SLC25A48: variants seen among roughly 807,000 people sequenced by gnomAD.
The protein encoded by SLC25A48 is solute carrier family 25 member 48, also known as CTC-321K16.1.
A neutral mutation model predicts 32.2 loss-of-function variants in SLC25A48; 29 were observed. The ratio of observed to expected loss-of-function variants is 0.90; its 90% confidence interval spans 0.67 to 1.23. The LOEUF is 1.23. Ranked by LOEUF, SLC25A48 falls within the 50% of genes most tolerant of loss-of-function variation. SLC25A48 has a pLI of 0.00. For missense variants in SLC25A48, 399 were observed against 422.7 expected (o/e 0.94, Z 0.49); for synonymous variants, 164 against 172.3 (o/e 0.95, Z 0.38).
At chr5:135,659,210 A>G (rs1478671396) in intron 3 of SLC25A48, among the ~76,000 whole-genome samples, 3 of 152,130 alleles carry the variant, frequency 2.0e-5, no homozygotes, top group Non-Finnish European at 2.9e-5. Flanking sequence ...AGAAGCAGTC[A>G]GGCCACATCT....
chr5:135,742,406 C>G (rs1755519772), intron 3 of SLC25A48: 21 of 1,339,490 alleles, frequency 1.6e-5, no homozygotes, highest in Non-Finnish European at 2.0e-5. Flanking sequence ...TAATAGCCAT[C>G]ACGACCCTCA....
At chr5:135,610,332 T>A (rs878943042) in intron 1 of SLC25A48, among the ~76,000 whole-genome samples, 1 of 152,256 alleles carries the variant, frequency 6.6e-6, no homozygotes, top group Admixed American at 6.5e-5. Context: ...AACCCTCACA[T>A]ATGTGCTGAC....
intron 1 of SLC25A48, among the ~76,000 whole-genome samples, chr5:135,607,262 T>A (rs1751960596): frequency 6.6e-6 from 1 of 152,220 alleles, no homozygotes; most frequent in Non-Finnish European, 1.5e-5. Context: ...ATAGTGGACA[T>A]CAAAGGTTGA....
chr5:135,678,115 C>G (rs1319890515), intron 3 of SLC25A48, among the ~76,000 whole-genome samples: 1 of 152,066 alleles, frequency 6.6e-6, no homozygotes, highest in Non-Finnish European at 1.5e-5. Flanking sequence ...GTTTTCTATC[C>G]CTTTTGTTTT....
intron 3 of SLC25A48, among the ~76,000 whole-genome samples, chr5:135,725,870 G>A (rs1019962692): frequency 1.0e-5 from 1 of 99,092 alleles, no homozygotes; most frequent in Admixed American, 1.1e-4. Context: ...CCTTAGGAAC[G>A]CTAGGGTTTT....
At chr5:135,708,590 A>C (rs1393814269) in intron 3 of SLC25A48, among the ~76,000 whole-genome samples, 3 of 152,342 alleles carry the variant, frequency 2.0e-5, no homozygotes, top group African/African-American at 7.2e-5. Flanking sequence ...CACCCCGGTC[A>C]GGCAGAGATG....
At chr5:135,855,814 C>T (rs1760268244) in intron 4 of SLC25A48, among the ~76,000 whole-genome samples, 1 of 152,222 alleles carries the variant, frequency 6.6e-6, no homozygotes, top group Non-Finnish European at 1.5e-5. Flanking sequence ...CCAGGAAGTG[C>T]AGCAGGCGAG....
intron 7 of SLC25A48, chr5:135,883,572 A>C: frequency 1.4e-6 from 1 of 728,198 alleles, no homozygotes; most frequent in Non-Finnish European, 1.7e-6. Context: ...AAACCCCTCC[A>C]CACAGGTGAG....
Position 135,780,617 on chromosome 5 carries a change from AT to A in SLC25A48, c.-520-31904del, listed in dbSNP as rs1189894786. Reference sequence around the variant, plus strand: ...AGGTGGCATATAACCCCTCTGTGATATTGTTTCTAATATTTTGGGGGGGGAG... The same window carrying A: ...AGGTGGCATATAACCCCTCTGTGATATGTTTCTAATATTTTGGGGGGGGAG... On this transcript the variant is annotated intron_variant, in intron 3 of 10. Coordinates refer to the SLC25A48 transcript ENST00000646290. 2.6e-5 allele frequency among the ~76,000 whole-genome samples: 3 copies of A among 115,736 alleles called. 1 individual carries two copies. The highest frequency in any genetic ancestry group is 8.9e-5 in the Admixed American group (1 of 11,296). 75.9% of individuals were successfully genotyped at this position (115,736 alleles called of 152,430 possible). A position where few individuals can be genotyped will look rare whatever the true frequency, so the allele number is the denominator to read the frequency against.
chr5:135,771,768 G>A (rs1312248460), intron 3 of SLC25A48, among the ~76,000 whole-genome samples: 1 of 150,794 alleles, frequency 6.6e-6, no homozygotes, highest in East Asian at 1.9e-4. Context: ...TTCCAATACG[G>A]CAGTGGGTGT....
At chr5:135,791,905 A>G (rs1340780131) in intron 3 of SLC25A48, among the ~76,000 whole-genome samples, 1 of 151,748 alleles carries the variant, frequency 6.6e-6, no homozygotes, top group African/African-American at 2.4e-5. Context: ...ATTCTGTGAT[A>G]ATATATGTAA....
chr5:135,875,087 C>T (rs909088946), intron 6 of SLC25A48: 4 of 197,982 alleles, frequency 2.0e-5, no homozygotes, highest in Non-Finnish European at 4.1e-5. Flanking sequence ...AACCATTTCT[C>T]ATTTGCATTA....
In SLC25A48 at chr5:135,681,953, A is replaced by AT. The variant is rs138492595; in HGVS notation, c.-521+47002dup. Among the ~76,000 whole-genome samples the AT allele has an allele frequency of 6.6e-3, 1,002 of 152,048 alleles. 14 individuals carry two copies. Among genetic ancestry groups the AT allele is most frequent in the African/African-American group, 0.023 (946 of 41,458 alleles). On this transcript the variant is annotated intron_variant, in intron 3 of 10. Transcript: ENST00000646290. ...TGTTTTATGTGTTCCTTTTGGGTGGATTTTTCCTGGACTCAGGTAGTTTCT... is the reference window on the plus strand; with the variant it reads ...TGTTTTATGTGTTCCTTTTGGGTGGATTTTTTCCTGGACTCAGGTAGTTTCT...
chr5:135,757,926 TAATAA>T, intron 3 of SLC25A48, among the ~76,000 whole-genome samples: 1 of 150,558 alleles, frequency 6.6e-6, no homozygotes, highest in African/African-American at 2.4e-5. Context: ...ACTATGATAT[TAATAA>T]AATATCTACA....
At chr5:135,854,979 G>C (rs1760184685) in intron 4 of SLC25A48, among the ~76,000 whole-genome samples, 1 of 152,194 alleles carries the variant, frequency 6.6e-6, no homozygotes, top group Non-Finnish European at 1.5e-5. Flanking sequence ...TCAGGAAACA[G>C]GGCAGCCTGA....
intron 3 of SLC25A48, among the ~76,000 whole-genome samples, chr5:135,804,329 C>T (rs558685642): frequency 2.0e-5 from 3 of 151,392 alleles, no homozygotes; most frequent in African/African-American, 4.8e-5. Context: ...ATACCCCCGG[C>T]GACATTAAGA....
chr5:135,726,777 T>C (rs1392847435), intron 3 of SLC25A48, among the ~76,000 whole-genome samples: 7 of 152,246 alleles, frequency 4.6e-5, no homozygotes, highest in Non-Finnish European at 4.4e-5. Context: ...GCTATAAATA[T>C]TCATGTACAT....
At chr5:135,613,687 C>T (rs1481971766) in intron 1 of SLC25A48, among the ~76,000 whole-genome samples, 1 of 152,188 alleles carries the variant, frequency 6.6e-6, no homozygotes, top group Non-Finnish European at 1.5e-5. Context: ...GCACCATTTA[C>T]TAAGGAGGGT....
chr5:135,789,242 G>A (rs1224378870), intron 3 of SLC25A48, among the ~76,000 whole-genome samples: 2 of 144,822 alleles, frequency 1.4e-5, no homozygotes, highest in African/African-American at 5.5e-5. Flanking sequence ...GGGGGAAGTG[G>A]GTGGTGTTAC....
Sources: allele counts gnomAD v4.1 joint callset (sites outside exome capture counted in the v4.1 genomes callset), GRCh38; gene constraint gnomAD v4.1.1; transcripts MANE v1.5; gene names NCBI Gene and HGNC (gene_info 2026-07-23, HGNC 2026-07-21).